Variants in COP1 observed in about 807,000 individuals in gnomAD.
COP1 encodes COP1 E3 ubiquitin ligase.
Under a neutral mutation model 101.3 loss-of-function variants are expected in COP1, and 24 were observed. The observed-to-expected ratio is 0.24, with a 90% CI of 0.17 to 0.33. The LOEUF (loss-of-function observed/expected upper bound fraction) is 0.33, where lower values mean the gene tolerates loss of function less well. Ranked by LOEUF, COP1 falls within the 10% of genes least tolerant of loss-of-function variation. The pLI is 1.00. For synonymous variants in COP1, 347 were observed against 341.9 expected, an observed-to-expected ratio of 1.01 and a Z score of -0.17; for missense variants, 663 against 906.2, an observed-to-expected ratio of 0.73 and a Z score of 3.45.
Position 175,989,469 on chromosome 1 carries a change from G to A in COP1, c.1740C>T (p.Val580=). Residue 580 remains valine (V), a synonymous_variant, in exon 16 of 20, where the codon GTC becomes GTT. Transcript: ENST00000367669. ...HLAFGCADHC[V]HYYDLRNTKQ... ...TAGTGTTACGAAGATCATAGTAGTG[G>A]ACACAGTGATCTAAAACAAAACAAA... 6.4e-7 allele frequency: 1 copy of A among 1,552,856 alleles called. No homozygotes were observed. The highest frequency in any genetic ancestry group is 2.2e-5 in the East Asian group (1 of 44,502).
chr1:176,179,031 C>T (rs914611659), intron 2 of COP1, among the ~76,000 whole-genome samples: 1 of 151,188 alleles, frequency 6.6e-6, no homozygotes, highest in Admixed American at 6.6e-5. Flanking sequence ...CGGCTCACGC[C>T]GTAATCCCAG....
chr1:176,134,156 C>T (rs540938298), intron 8 of COP1, among the ~76,000 whole-genome samples: 31 of 151,870 alleles, frequency 2.0e-4, no homozygotes, highest in Non-Finnish European at 3.8e-4. Context: ...ATAAGGTTTC[C>T]GAAGGTTATT....
chr1:176,016,603 T>C (rs1332341173), intron 15 of COP1, among the ~76,000 whole-genome samples: 1 of 152,178 alleles, frequency 6.6e-6, no homozygotes, highest in African/African-American at 2.4e-5. Context: ...TAGGGGAAAC[T>C]GCACATTTAA....
Position 176,170,573 on chromosome 1 carries a change from C to T in COP1, c.565+5337G>A, listed in dbSNP as rs190183948. Among the ~76,000 whole-genome samples, 259 of 152,208 alleles carry T rather than the reference C, an allele frequency of 1.7e-3. 1 individual carries two copies. Among genetic ancestry groups the T allele is most frequent in the African/African-American group, 5.9e-3 (247 of 41,524 alleles). Reference sequence around the variant, plus strand: ...GCAGTAGGTCTCAACAGTGGTCTTACGATATTCAGTAAATCACGCTGAAAA... The same window carrying T: ...GCAGTAGGTCTCAACAGTGGTCTTATGATATTCAGTAAATCACGCTGAAAA... On this transcript the variant is annotated intron_variant, in intron 3 of 19. Transcript: ENST00000367669.
At chr1:176,082,318 C>T (rs1233710347) in intron 10 of COP1, among the ~76,000 whole-genome samples, 1 of 152,100 alleles carries the variant, frequency 6.6e-6, no homozygotes, top group African/African-American at 2.4e-5. Flanking sequence ...GGTAAATGTT[C>T]ATGATTTCCC....
Position 176,138,527 on chromosome 1 carries a change from A to G in COP1, c.832-1980T>C, listed in dbSNP as rs562744467. ...CTTAACTGAAACCCTGCTCACTCTTAAAGACACTGTCTGTCCTGAAACTCT... is the reference window on the plus strand; with the variant it reads ...CTTAACTGAAACCCTGCTCACTCTTGAAGACACTGTCTGTCCTGAAACTCT... On this transcript the variant is annotated intron_variant, in intron 6 of 19. Coordinates refer to ENST00000367669, the MANE Select transcript of COP1 (RefSeq NM_022457.7). Among the ~76,000 whole-genome samples the G allele has an allele frequency of 2.0e-5, 3 of 152,258 alleles. No homozygotes were observed. The South Asian group carries it at 6.2e-4, about 32-fold the overall frequency.
At chr1:176,110,797 A>G (rs968553288) in intron 9 of COP1, among the ~76,000 whole-genome samples, 1 of 152,222 alleles carries the variant, frequency 6.6e-6, no homozygotes, top group Non-Finnish European at 1.5e-5. Flanking sequence ...TACTAGCTAT[A>G]TTATCTGAGT....
At chr1:175,975,744 GAAGGACAAAATGAA>G (rs571312982) in intron 18 of COP1, among the ~76,000 whole-genome samples, 142 of 152,188 alleles carry the variant, frequency 9.3e-4, no homozygotes, top group African/African-American at 3.3e-3. Context: ...TAATGATTTG[GAAGGACAAAATGAA>G]AAGGAAACAC....
intron 15 of COP1, among the ~76,000 whole-genome samples, chr1:175,991,344 C>A (rs1217949845): frequency 6.6e-6 from 1 of 151,940 alleles, no homozygotes; most frequent in Non-Finnish European, 1.5e-5. Context: ...ATTTACGTAT[C>A]TAAATATAGA....
At chr1:176,206,378 C>T in intron 1 of COP1, 194 bp downstream of exon 1, 1 of 596,922 alleles carries the variant, frequency 1.7e-6, no homozygotes, top group Non-Finnish European at 2.9e-6. Context: ...TGCCTCGCTA[C>T]TCCAACATTC....
chr1:176,015,127 A>C (rs1429762074), intron 15 of COP1, among the ~76,000 whole-genome samples: 1 of 152,204 alleles, frequency 6.6e-6, no homozygotes, highest in African/African-American at 2.4e-5. Flanking sequence ...CAGGGGAAGA[A>C]TGTCTAAAGC....
At chr1:175,976,150 C>G (rs900187754) in intron 18 of COP1, among the ~76,000 whole-genome samples, 4 of 151,792 alleles carry the variant, frequency 2.6e-5, no homozygotes, top group African/African-American at 9.7e-5. Flanking sequence ...TCTTATTGAA[C>G]TCTGAAGTTG....
intron 15 of COP1, among the ~76,000 whole-genome samples, chr1:176,010,467 T>C (rs901970421): frequency 6.6e-6 from 1 of 152,236 alleles, no homozygotes. Context: ...TTCATAATAT[T>C]GTTATATTTG....
intron 6 of COP1, among the ~76,000 whole-genome samples, chr1:176,142,148 G>C (rs959421554): frequency 1.3e-5 from 2 of 152,094 alleles, no homozygotes; most frequent in Non-Finnish European, 2.9e-5. Context: ...AATGTAAACA[G>C]ATGTCAATAC....
In COP1 at chr1:176,084,850, CTT is replaced by C. The variant is rs56020581; in HGVS notation, c.1141+924_1141+925del. ...TTTTAACAACCAATAAAATACCAGA[CTT>C]TTTTTTTTCCCCCTTGGTGGGGTTT... On this transcript the variant is annotated intron_variant, in intron 10 of 19. Coordinates refer to ENST00000367669, the MANE Select transcript of COP1 (RefSeq NM_022457.7). Among the ~76,000 whole-genome samples the C allele has an allele frequency of 2.0e-5, 3 of 149,696 alleles. 1 individual carries two copies. In the South Asian group the frequency reaches 6.3e-4, roughly 31 times the overall value.
chr1:176,009,865 G>T (rs1254527088), intron 15 of COP1, among the ~76,000 whole-genome samples: 3 of 90,988 alleles, frequency 3.3e-5, no homozygotes, highest in African/African-American at 3.8e-5. Flanking sequence ...TAAGTTATAA[G>T]TTTAGGTTAC....
intron 18 of COP1, among the ~76,000 whole-genome samples, chr1:175,977,148 G>A (rs1416583458): frequency 6.6e-6 from 1 of 152,054 alleles, no homozygotes; most frequent in Non-Finnish European, 1.5e-5. Context: ...ATTCCCTAAA[G>A]CTTTCTACTT....
chr1:176,092,214 T>A (rs1465085341), intron 9 of COP1, among the ~76,000 whole-genome samples: 1 of 152,110 alleles, frequency 6.6e-6, no homozygotes, highest in Non-Finnish European at 1.5e-5. Flanking sequence ...ATATAATGAA[T>A]ATATAGAAAA....
chr1:176,198,615 T>C (rs1292274236), intron 1 of COP1, among the ~76,000 whole-genome samples: 1 of 151,990 alleles, frequency 6.6e-6, no homozygotes, highest in African/African-American at 2.4e-5. Context: ...GAAAACTTTA[T>C]CGATACATTA....
Sources: allele counts gnomAD v4.1 joint callset (sites outside exome capture counted in the v4.1 genomes callset), GRCh38; gene constraint gnomAD v4.1.1; transcripts MANE v1.5; gene names NCBI Gene and HGNC (gene_info 2026-07-23, HGNC 2026-07-21).